FBXL13: variants seen among roughly 807,000 people sequenced by gnomAD.
The protein encoded by FBXL13 is F-box and leucine rich repeat protein 13.
A neutral mutation model predicts 83.6 loss-of-function variants in FBXL13; 67 were observed. That is an observed-to-expected ratio of 0.80 (90% confidence interval 0.66 to 0.98). The LOEUF is 0.98. Ranked by LOEUF, FBXL13 falls within the 50% of genes least tolerant of loss-of-function variation. The pLI is 0.00. For synonymous variants in FBXL13, 272 were observed against 299.5 expected, an observed-to-expected ratio of 0.91 and a Z score of 0.95; for missense variants, 822 against 866.5, an observed-to-expected ratio of 0.95 and a Z score of 0.64.
chr7:102,854,519 A>T (rs1484253750), intron 17 of FBXL13, among the ~76,000 whole-genome samples: 2 of 152,228 alleles, frequency 1.3e-5, no homozygotes, highest in Non-Finnish European at 2.9e-5. Context: ...CTTAAAGTAT[A>T]ATTAAAAAAT....
Position 102,912,912 on chromosome 7 carries a change from C to T in FBXL13, c.1008+174G>A, listed in dbSNP as rs554964968. 4.0e-6 allele frequency: 3 copies of T among 750,470 alleles called. No homozygotes were observed. In the South Asian group the frequency reaches 6.3e-5, roughly 16 times the overall value. The allele number at this position is 750,470 out of a possible 1,614,324, so 46.5% of individuals were successfully genotyped here. On this transcript the variant is annotated intron_variant, in intron 11 of 19. Coordinates refer to ENST00000313221, the Ensembl canonical transcript of FBXL13. ...CACTCCAGTGGAAGGAAGCCAAGAG[C>T]CTATAATAGCGATCCTGGGGAAAAT...
chr7:102,897,561 C>T (rs920078598), intron 11 of FBXL13, among the ~76,000 whole-genome samples: 4 of 152,090 alleles, frequency 2.6e-5, no homozygotes, highest in African/African-American at 9.6e-5. Flanking sequence ...TGGAAGTTTG[C>T]CATGAACTGA....
chr7:103,062,259 G>A (rs760531874), intron 1 of FBXL13, among the ~76,000 whole-genome samples: 2 of 151,992 alleles, frequency 1.3e-5, no homozygotes, highest in Non-Finnish European at 2.9e-5. Context: ...GGTCCCTGTG[G>A]GGCAGTCCTT....
intron 1 of FBXL13, among the ~76,000 whole-genome samples, chr7:103,060,764 G>A (rs935231246): frequency 1.3e-5 from 2 of 152,164 alleles, no homozygotes; most frequent in Non-Finnish European, 2.9e-5. Flanking sequence ...CTCCAAAAGT[G>A]CAGAGATAAA....
intron 7 of FBXL13, among the ~76,000 whole-genome samples, chr7:102,966,648 G>A (rs935181176): frequency 6.6e-6 from 1 of 152,180 alleles, no homozygotes; most frequent in African/African-American, 2.4e-5. Context: ...AGCCAGGGTA[G>A]GAAGTTACAC....
intron 11 of FBXL13, among the ~76,000 whole-genome samples, chr7:102,903,769 T>C (rs187016511): frequency 9.2e-5 from 14 of 152,212 alleles, no homozygotes; most frequent in South Asian, 8.3e-4. Flanking sequence ...ATGTGTCACA[T>C]TGATTTATTT....
chr7:102,957,482 C>T (rs1824471145), intron 8 of FBXL13, among the ~76,000 whole-genome samples: 1 of 152,094 alleles, frequency 6.6e-6, no homozygotes, highest in Admixed American at 6.6e-5. Flanking sequence ...TTGGCAAGGA[C>T]TTCATGACTA....
chr7:102,928,897 G>A (rs1197086393), intron 9 of FBXL13, among the ~76,000 whole-genome samples: 1 of 152,154 alleles, frequency 6.6e-6, no homozygotes, highest in African/African-American at 2.4e-5. Flanking sequence ...AGAGAAAGCA[G>A]AACATTTTTT....
intron 19 of FBXL13, among the ~76,000 whole-genome samples, chr7:102,818,714 T>C (rs1053598136): frequency 6.6e-6 from 1 of 152,232 alleles, no homozygotes; most frequent in African/African-American, 2.4e-5. Context: ...CTTTCTCTAC[T>C]AGTTCTCTAG....
intron 1 of FBXL13, among the ~76,000 whole-genome samples, chr7:103,056,340 CTT>C (rs1472348162): frequency 1.3e-5 from 2 of 152,102 alleles, no homozygotes; most frequent in African/African-American, 4.8e-5. Flanking sequence ...GTGCAAGTAT[CTT>C]TTTCATATAA....
intron 6 of FBXL13, among the ~76,000 whole-genome samples, chr7:103,015,371 G>A (rs534066621): frequency 1.3e-5 from 2 of 152,150 alleles, no homozygotes; most frequent in Non-Finnish European, 2.9e-5. Context: ...AGAAATAAAA[G>A]ATGCTCAAAG....
chr7:103,000,614 CATA>C (rs1180455389), intron 6 of FBXL13, among the ~76,000 whole-genome samples: 2 of 152,214 alleles, frequency 1.3e-5, no homozygotes, highest in Admixed American at 1.3e-4. Context: ...TGGTCTAGGG[CATA>C]ATATCACTCC....
At chr7:103,003,021 G>A (rs1790564572) in intron 6 of FBXL13, among the ~76,000 whole-genome samples, 1 of 151,948 alleles carries the variant, frequency 6.6e-6, no homozygotes, top group South Asian at 2.1e-4. Context: ...CCCTTTGAAT[G>A]CCAACCACTC....
intron 8 of FBXL13, among the ~76,000 whole-genome samples, chr7:102,938,051 C>A (rs1201167337): frequency 1.3e-5 from 2 of 152,138 alleles, no homozygotes; most frequent in Admixed American, 1.3e-4. Flanking sequence ...GAAATAATAG[C>A]TTTATTCACT....
intron 17 of FBXL13, among the ~76,000 whole-genome samples, chr7:102,835,472 C>T (rs1303962895): frequency 6.6e-6 from 1 of 152,210 alleles, no homozygotes; most frequent in Non-Finnish European, 1.5e-5. Context: ...CTTTCCCAAA[C>T]ATCATATTAG....
intron 2 of FBXL13, among the ~76,000 whole-genome samples, chr7:103,045,176 G>A (rs907466833): frequency 3.9e-5 from 6 of 152,202 alleles, no homozygotes; most frequent in African/African-American, 1.4e-4. Flanking sequence ...TTACAGATTG[G>A]TGTTTGCCTT....
chr7:103,008,338 T>A (rs771633094), intron 6 of FBXL13, among the ~76,000 whole-genome samples: 16 of 152,120 alleles, frequency 1.1e-4, no homozygotes, highest in Non-Finnish European at 1.6e-4. Flanking sequence ...GCTAGAACAT[T>A]TTGGGACAAC....
rs1207390220 is a variant in FBXL13, at chr7:102,867,702, T to A, written c.1635+9765A>T. ...ATATATATATATATATATATTTTTT[T>A]TTTTTTTTTTTTTTTTTTGAGACAG... On this transcript the variant is annotated intron_variant, in intron 16 of 19. Coordinates refer to ENST00000313221, the Ensembl canonical transcript of FBXL13. 4.8e-3 allele frequency among the ~76,000 whole-genome samples: 482 copies of A among 100,312 alleles called. 1 individual carries two copies. Among genetic ancestry groups the A allele is most frequent in the African/African-American group, 0.017 (410 of 24,640 alleles). 65.8% of individuals were successfully genotyped at this position (100,312 alleles called of 152,430 possible).
chr7:102,813,432 A>G (rs1562888532), exon 20 of FBXL13: 1 of 1,614,160 alleles, frequency 6.2e-7, no homozygotes. Flanking sequence ...CAAGCTCTGT[A>G]ACAGGGTTTC....
Sources: allele counts gnomAD v4.1 joint callset (sites outside exome capture counted in the v4.1 genomes callset), GRCh38; gene constraint gnomAD v4.1.1; transcripts MANE v1.5; gene names NCBI Gene and HGNC (gene_info 2026-07-23, HGNC 2026-07-21).